CACHD1: variants seen among roughly 807,000 people sequenced by gnomAD.
CACHD1 encodes cache domain containing 1.
In CACHD1, 71 loss-of-function variants were observed where a neutral mutation model predicts 138.7. The ratio of observed to expected loss-of-function variants is 0.51; its 90% CI spans 0.42 to 0.62. The LOEUF (loss-of-function observed/expected upper bound fraction) is 0.62. Ranked by LOEUF, CACHD1 falls within the 20% of genes least tolerant of loss-of-function variation. CACHD1 has a pLI of 0.00. For synonymous variants in CACHD1, 578 were observed against 591.5 expected (o/e 0.98, Z 0.33); for missense variants, 1,389 against 1,625.3 (o/e 0.85, Z 2.50).
intron 2 of CACHD1, among the ~76,000 whole-genome samples, chr1:64,561,698 TTTC>T: frequency 2.2e-5 from 1 of 45,618 alleles, no homozygotes. Context: ...CTACAATTTT[TTTC>T]TTTTTAATTA....
intron 1 of CACHD1, 84 bp from the exon 2 acceptor site, chr1:64,550,510 G>T: frequency 7.2e-6 from 7 of 973,630 alleles, no homozygotes; most frequent in South Asian, 3.1e-5. Context: ...GATTCTATTT[G>T]TTGTAAACAA....
intron 1 of CACHD1, among the ~76,000 whole-genome samples, chr1:64,516,857 C>T (rs1646463163): frequency 6.6e-6 from 1 of 152,142 alleles, no homozygotes; most frequent in African/African-American, 2.4e-5. Flanking sequence ...ACTGTTCCTC[C>T]TAGTAAACAA....
intron 4 of CACHD1, 118 bp from the exon 5 acceptor site, chr1:64,629,237 G>A (rs919531377): frequency 9.1e-7 from 1 of 1,098,500 alleles, no homozygotes; most frequent in South Asian, 1.7e-5. Flanking sequence ...TTACAATCTT[G>A]TATCTAGTGG....
At chr1:64,668,340 A>AT (rs1398697217) in intron 16 of CACHD1, among the ~76,000 whole-genome samples, 4 of 150,198 alleles carry the variant, frequency 2.7e-5, no homozygotes, top group Non-Finnish European at 5.9e-5. Context: ...AAAAAAAAAA[A>AT]AGAAAAAGAA....
Position 64,648,003 on chromosome 1 carries a change from C to A in CACHD1, c.1359C>A (p.Phe453Leu). 1 of 1,613,628 alleles carries A rather than the reference C, an allele frequency of 6.2e-7. No homozygotes were observed. Among genetic ancestry groups the A allele is most frequent in the East Asian group, 2.2e-5 (1 of 44,842 alleles). Reference protein sequence around the residue: ...LPNRMIDEAVFSLPFSDEMGD... With the variant: ...LPNRMIDEAVLSLPFSDEMGD... Reference sequence around the variant, plus strand: ...ACCGGATGATTGATGAAGCCGTCTTCAGCCTGCCCTTCTCTGATGAGATGG... The same window carrying A: ...ACCGGATGATTGATGAAGCCGTCTTAAGCCTGCCCTTCTCTGATGAGATGG... The change falls in exon 9 of 27, where the codon TTC (phenylalanine) becomes TTA (leucine). Residue 453 changes from phenylalanine to leucine, a missense_variant. Around this residue, in one of 5 missense-constraint regions of CACHD1, gnomAD observed 1,000 missense variants for 1,114.7 expected, o/e 0.90. Coordinates refer to ENST00000651257, the MANE Select transcript of CACHD1 (RefSeq NM_020925.4).
chr1:64,681,412 T>C, intron 25 of CACHD1, 77 bp downstream of exon 25: 1 of 1,181,628 alleles, frequency 8.5e-7, no homozygotes, highest in Non-Finnish European at 1.2e-6. Flanking sequence ...CTTATATCCT[T>C]TTGGCTTGTA....
intron 3 of CACHD1, among the ~76,000 whole-genome samples, chr1:64,601,649 C>CGTGTTCTTAT (rs989932597): frequency 5.9e-5 from 9 of 152,314 alleles, no homozygotes; most frequent in East Asian, 1.9e-4. Flanking sequence ...ATCAGTTCCA[C>CGTGTTCTTAT]GTGTTCTTAT....
At chr1:64,568,367 A>C (rs762267512) in intron 2 of CACHD1, among the ~76,000 whole-genome samples, 4 of 152,114 alleles carry the variant, frequency 2.6e-5, no homozygotes, top group Non-Finnish European at 5.9e-5. Context: ...AGCTTCTGTT[A>C]GTATGGTTTC....
chr1:64,640,371 G>C (rs1242173741), intron 7 of CACHD1, among the ~76,000 whole-genome samples: 1 of 152,098 alleles, frequency 6.6e-6, no homozygotes, highest in African/African-American at 2.4e-5. Flanking sequence ...AAATATGTAG[G>C]ATGTCCTAAA....
intron 1 of CACHD1, among the ~76,000 whole-genome samples, chr1:64,539,073 C>A (rs1398007371): frequency 6.6e-6 from 1 of 152,088 alleles, no homozygotes; most frequent in African/African-American, 2.4e-5. Flanking sequence ...AACGTCAGAG[C>A]CTCTCAAGCA....
In CACHD1 at chr1:64,518,239, A is replaced by G. The variant is rs1646472956; in HGVS notation, c.199-32355A>G. Among the ~76,000 whole-genome samples the G allele has an allele frequency of 2.0e-5, 3 of 152,162 alleles. No individual in the cohort carries two copies. The South Asian group carries it at 6.2e-4, about 32-fold the overall frequency. On this transcript the variant is annotated intron_variant, in intron 1 of 26. Coordinates refer to ENST00000651257, the MANE Select transcript of CACHD1 (RefSeq NM_020925.4). ...ATAGCAGCGGACATACTCTCAGCAC[A>G]CATGGGGATGGAAAACATTTCTGTG...
intron 3 of CACHD1, among the ~76,000 whole-genome samples, chr1:64,586,044 A>G (rs542747082): frequency 3.8e-4 from 58 of 152,266 alleles, no homozygotes; most frequent in Non-Finnish European, 7.2e-4. Context: ...GTGCCTGCTG[A>G]ACACATTTTC....
chr1:64,473,790 C>T (rs912625225), intron 1 of CACHD1, among the ~76,000 whole-genome samples: 3 of 152,086 alleles, frequency 2.0e-5, no homozygotes, highest in South Asian at 2.1e-4. Flanking sequence ...TCTCGAAAGA[C>T]GATTTTAAAG....
intron 4 of CACHD1, among the ~76,000 whole-genome samples, chr1:64,605,600 G>A (rs779646763): frequency 6.6e-6 from 1 of 152,150 alleles, no homozygotes; most frequent in Non-Finnish European, 1.5e-5. Context: ...CCTCCTGGCT[G>A]TGTGACTGGG....
intron 1 of CACHD1, among the ~76,000 whole-genome samples, chr1:64,525,975 T>A: frequency 6.6e-6 from 1 of 152,240 alleles, no homozygotes; most frequent in Non-Finnish European, 1.5e-5. Context: ...TGGAAAGAAT[T>A]GAATCCATAT....
chr1:64,540,953 A>C (rs1646672300), intron 1 of CACHD1, among the ~76,000 whole-genome samples: 1 of 152,206 alleles, frequency 6.6e-6, no homozygotes, highest in Non-Finnish European at 1.5e-5. Flanking sequence ...GTTCTTTGGC[A>C]AACTTGAAGT....
chr1:64,566,486 C>T (rs1005353606), intron 2 of CACHD1, among the ~76,000 whole-genome samples: 1 of 143,522 alleles, frequency 7.0e-6, no homozygotes, highest in African/African-American at 2.4e-5. Context: ...AATTCCCCCC[C>T]CCCCACAAGG....
At chr1:64,646,824 C>G (rs1404554553) in intron 8 of CACHD1, among the ~76,000 whole-genome samples, 1 of 152,132 alleles carries the variant, frequency 6.6e-6, no homozygotes, top group African/African-American at 2.4e-5. Context: ...TATGTACACT[C>G]TCTATGTAGA....
intron 3 of CACHD1, among the ~76,000 whole-genome samples, chr1:64,591,434 T>G (rs540577980): frequency 2.0e-5 from 3 of 152,220 alleles, no homozygotes; most frequent in Non-Finnish European, 4.4e-5. Flanking sequence ...TGGATCAATA[T>G]TAGATCATAA....
Sources: gnomAD v4.1 joint callset for allele counts (sites outside exome capture counted in the v4.1 genomes callset) on GRCh38, gnomAD v4.1.1 for gene constraint, gnomAD v4.1.1 regional missense constraint, MANE v1.5 for transcripts, NCBI Gene and HGNC (gene_info 2026-07-23, HGNC 2026-07-21) for gene names.